XPOT: variants seen among roughly 807,000 people sequenced by gnomAD.
The protein encoded by XPOT is exportin-T.
In XPOT, 34 loss-of-function variants were observed where a neutral mutation model predicts 128.2. The observed-to-expected ratio is 0.27, with a 90% CI of 0.20 to 0.35. The LOEUF is 0.35. Among genes scored for constraint, XPOT ranks in the 10% least tolerant of loss-of-function variants. The pLI is 1.00. For missense variants in XPOT, 838 were observed against 1,125.3 expected (o/e 0.74, Z 3.65); for synonymous variants, 348 against 394.3 (o/e 0.88, Z 1.39).
chr12:64,448,953 C>CT lies in XPOT; in HGVS notation c.*825dup, dbSNP rs2040387228. On this transcript the variant is annotated 3_prime_UTR_variant, in exon 25 of 25. Coordinates refer to ENST00000332707, the MANE Select transcript of XPOT (RefSeq NM_007235.6). ...GTGGCTCACGACTGTAATCCCAGAACTTTGGGAGGCCAAGGCAGGTGGATC... is the reference window on the plus strand; with the variant it reads ...GTGGCTCACGACTGTAATCCCAGAACTTTTGGGAGGCCAAGGCAGGTGGATC... 1 of 152,172 alleles carries CT rather than the reference C, an allele frequency of 6.6e-6. No individual in the cohort carries two copies. Among genetic ancestry groups the CT allele is most frequent in the African/African-American group, 2.4e-5 (1 of 41,416 alleles). 9.4% of individuals were successfully genotyped at this position (152,172 alleles called of 1,614,324 possible).
Position 64,448,031 on chromosome 12 carries a change from A to G in XPOT, c.2863-74A>G. 1.0e-5 allele frequency: 14 copies of G among 1,338,252 alleles called. No individual in the cohort carries two copies. In the South Asian group the frequency reaches 1.6e-4, roughly 16 times the overall value. The allele number at this position is 1,338,252 out of a possible 1,614,324, so 82.9% of individuals were successfully genotyped here. A position where few individuals can be genotyped will look rare whatever the true frequency, so the allele number is the denominator to read the frequency against. On this transcript the variant is annotated intron_variant, in intron 24 of 24. Coordinates refer to ENST00000332707, the MANE Select transcript of XPOT (RefSeq NM_007235.6). ...AGAAGAACATTGCTAGCACTCAGAT[A>G]CTTGGAGCCATTCTTCAGGTGAAAG...
intron 8 of XPOT, 46 bp from the exon 9 acceptor site, chr12:64,421,189 C>G: frequency 7.2e-7 from 1 of 1,395,272 alleles, no homozygotes; most frequent in Non-Finnish European, 1.0e-6. Flanking sequence ...TTCCTCTTAG[C>G]TTGGGCAGGC....
intron 15 of XPOT, among the ~76,000 whole-genome samples, chr12:64,427,267 C>G (rs905592743): frequency 8.6e-5 from 13 of 151,714 alleles, no homozygotes; most frequent in Admixed American, 7.9e-4. Context: ...TTACAGGTGT[C>G]CATCGCCACA....
Position 64,433,420 on chromosome 12 carries a change from G to A in XPOT, c.2269G>A (p.Val757Ile), listed in dbSNP as rs756638300. 1.3e-6 allele frequency: 2 copies of A among 1,538,050 alleles called. No homozygotes were observed. Among genetic ancestry groups the A allele is most frequent in the Non-Finnish European group, 1.8e-6 (2 of 1,135,846 alleles). The change falls in exon 19 of 25, where the codon GTA becomes ATA. Residue 757 changes from valine to isoleucine, a missense_variant. Around this residue, in one of 3 missense-constraint regions of XPOT, gnomAD observed 761 missense variants for 988.3 expected, o/e 0.77. Transcript: ENST00000332707. The stretch of plus-strand genomic sequence containing the variant: ...AATGATTGTTTATCTTCAGATACAG[G>A]TATCCCCGTTTTTACAACAGATGTT... ...NQITAKFKIQ[V>I]SPFLQQMFMP...
At chr12:64,405,578 A>G (rs1193242960) in intron 1 of XPOT, among the ~76,000 whole-genome samples, 1 of 152,212 alleles carries the variant, frequency 6.6e-6, no homozygotes, top group Non-Finnish European at 1.5e-5. Context: ...GAACCTTTGC[A>G]AGATGCATAA....
At chr12:64,430,357 C>T (rs2136028527) in intron 17 of XPOT, 70 bp downstream of exon 17, 1 of 1,222,548 alleles carries the variant, frequency 8.2e-7, no homozygotes, top group Non-Finnish European at 1.1e-6. Flanking sequence ...GTTTGGTGGG[C>T]ACACACATTT....
At chr12:64,442,329 C>T (rs541805770) in intron 23 of XPOT, among the ~76,000 whole-genome samples, 2 of 152,016 alleles carry the variant, frequency 1.3e-5, no homozygotes, top group East Asian at 2.0e-4. Context: ...GAGACGGGGT[C>T]ACCACATTGG....
At chr12:64,412,032 T>C (rs1290680031) in intron 2 of XPOT, among the ~76,000 whole-genome samples, 1 of 88,816 alleles carries the variant, frequency 1.1e-5, no homozygotes. Context: ...CCCCCCGCCC[T>C]TTTTTTTTTG....
At position 64,431,681 on chromosome 12, in the gene XPOT, T is replaced by C. The variant is rs1372146281; in HGVS notation, c.2120T>C (p.Phe707Ser). The change falls in exon 18 of 25, where the codon TTC becomes TCC. Residue 707 changes from phenylalanine (F) to serine (S), a missense_variant. Around this residue, in one of 3 missense-constraint regions of XPOT, gnomAD observed 761 missense variants for 988.3 expected, o/e 0.77. Transcript: ENST00000332707. Reference protein sequence around the residue: ...KDILRSGVRTFLHRMIICLEE... With the variant: ...KDILRSGVRTSLHRMIICLEE... ...ATTCTCAGAAGTGGAGTCCGTACTT[T>C]CCTTCATCGAATGATTATTTGCCTG... 6.2e-7 allele frequency: 1 copy of C among 1,614,016 alleles called. No individual in the cohort carries two copies. The highest frequency in any genetic ancestry group is 1.7e-5 in the Admixed American group (1 of 59,996).
rs1400973043 is a variant in XPOT, at chr12:64,404,397, C to G, written c.-482C>G. 1 of 152,344 alleles carries G rather than the reference C, an allele frequency of 6.6e-6. No homozygotes were observed. Among genetic ancestry groups the G allele is most frequent in the Non-Finnish European group, 1.5e-5 (1 of 67,974 alleles). The allele number at this position is 152,344 out of a possible 1,614,324, so 9.4% of individuals were successfully genotyped here. Reference sequence around the variant, plus strand: ...GCCCGCGGGCTGCCGCCCGCACTCTCCAAGAGACTGCTGGCGCCGGCGCCC... The same window carrying G: ...GCCCGCGGGCTGCCGCCCGCACTCTGCAAGAGACTGCTGGCGCCGGCGCCC... On this transcript the variant is annotated 5_prime_UTR_variant, in exon 1 of 25. Transcript: ENST00000332707.
intron 23 of XPOT, among the ~76,000 whole-genome samples, chr12:64,441,901 A>G (rs1300783894): frequency 6.6e-6 from 1 of 151,840 alleles, no homozygotes; most frequent in Non-Finnish European, 1.5e-5. Context: ...GCTGGTCTCA[A>G]ACTCCTAACC....
intron 16 of XPOT, among the ~76,000 whole-genome samples, chr12:64,429,544 G>T (rs542913665): frequency 6.6e-6 from 1 of 151,592 alleles, no homozygotes; most frequent in Non-Finnish European, 1.5e-5. Flanking sequence ...TCAGGTTCAA[G>T]CAGTTCTCCT....
Position 64,425,773 on chromosome 12 carries a change from C to G in XPOT, c.1573-42C>G, listed in dbSNP as rs376928482. On this transcript the variant is annotated intron_variant, in intron 14 of 24. Coordinates refer to ENST00000332707, the MANE Select transcript of XPOT (RefSeq NM_007235.6). ...GTAGCAGGACAATATCAACAAAACC[C>G]TTGAAAAAATGCAGAAATAGTAAAA... 1.6e-4 allele frequency: 253 copies of G among 1,588,640 alleles called. 1 individual carries two copies. Among genetic ancestry groups the G allele is most frequent in the Non-Finnish European group, 2.0e-4 (229 of 1,159,174 alleles).
Position 64,417,911 on chromosome 12 carries a change from A to C in XPOT, c.201-135A>C. 6 of 554,942 alleles carry C rather than the reference A, an allele frequency of 1.1e-5. No individual in the cohort carries two copies. The South Asian group carries it at 1.6e-4, about 15-fold the overall frequency. 34.4% of individuals were successfully genotyped at this position (554,942 alleles called of 1,614,324 possible). A position where few individuals can be genotyped will look rare whatever the true frequency, so the allele number is the denominator to read the frequency against. On this transcript the variant is annotated intron_variant, in intron 4 of 24. Transcript: ENST00000332707. The stretch of plus-strand genomic sequence containing the variant: ...CTTTAAAGCAATGATGAGTGGCATT[A>C]TCAGTTTATGTTAGGGAACTTCAGA...
chr12:64,411,009 T>C (rs1460024010), intron 2 of XPOT, among the ~76,000 whole-genome samples: 1 of 152,094 alleles, frequency 6.6e-6, no homozygotes, highest in Non-Finnish European at 1.5e-5. Context: ...AAGAAAAAAA[T>C]CTTTTAAAGC....
chr12:64,443,814 A>G (rs117613577), intron 23 of XPOT, among the ~76,000 whole-genome samples: 2,430 of 151,670 alleles, frequency 0.016, 39 homozygotes, highest in Non-Finnish European at 0.025. Flanking sequence ...AAGATTTCAC[A>G]TGAGTTTAAA....
chr12:64,417,421 T>C (rs1370708933), intron 4 of XPOT, among the ~76,000 whole-genome samples: 3 of 151,950 alleles, frequency 2.0e-5, no homozygotes, highest in Non-Finnish European at 4.4e-5. Context: ...GATTGCGCGC[T>C]TCTGTATTCC....
chr12:64,441,512 C>T (rs926570476), intron 23 of XPOT, among the ~76,000 whole-genome samples: 7 of 152,140 alleles, frequency 4.6e-5, no homozygotes, highest in Non-Finnish European at 1.0e-4. Flanking sequence ...TGCTCTTTCT[C>T]TGGATTGTTT....
At chr12:64,412,841 A>T (rs909486931) in intron 2 of XPOT, among the ~76,000 whole-genome samples, 2 of 152,150 alleles carry the variant, frequency 1.3e-5, no homozygotes, top group Admixed American at 6.5e-5. Context: ...AACTTAGAAA[A>T]ACAGTTGACT....
Sources: allele counts gnomAD v4.1 joint callset (sites outside exome capture counted in the v4.1 genomes callset), GRCh38; gene constraint gnomAD v4.1.1; regional missense constraint gnomAD v4.1.1; transcripts MANE v1.5; gene names NCBI Gene and HGNC (gene_info 2026-07-23, HGNC 2026-07-21).